ZNF277: variants seen among roughly 807,000 people sequenced by gnomAD.
ZNF277 encodes zinc finger protein 277.
A neutral mutation model predicts 60.7 loss-of-function variants in ZNF277; 55 were observed. The observed-to-expected ratio is 0.91, with a 90% CI of 0.73 to 1.13. ZNF277 has a LOEUF of 1.13. ZNF277 is among the 50% of genes most tolerant of loss of function. The pLI is 0.00. For synonymous variants in ZNF277, 178 were observed against 179.3 expected, an observed-to-expected ratio of 0.99 and a Z score of 0.06; for missense variants, 510 against 523.0, an observed-to-expected ratio of 0.98 and a Z score of 0.24.
At chr7:112,277,724 T>C (rs910438339) in intron 1 of ZNF277, among the ~76,000 whole-genome samples, 3 of 152,228 alleles carry the variant, frequency 2.0e-5, no homozygotes, top group Non-Finnish European at 4.4e-5. Flanking sequence ...CAGAAAGTTA[T>C]GTTGAGCAGC....
rs769665209 is a variant in ZNF277 at position 112,286,933 on chromosome 7, C to T, written c.152C>T (p.Thr51Ile). The stretch of plus-strand genomic sequence containing the variant: ...CCAGAAAGTCCAGGTGGCACCACCA[C>T]TTTAGAAGGTTCTCCATCTGTGCCT... ...SLPESPGGTT[T>I]LEGSPSVPCI... is the part of the protein sequence containing the mutation. Residue 51 changes from threonine (T) to isoleucine (I), a missense_variant, in exon 2 of 12, where the codon ACT (threonine) becomes ATT (isoleucine). Transcript: ENST00000361822. The T allele has an allele frequency of 9.9e-6, 16 of 1,608,462 alleles. No individual in the cohort carries two copies. In the South Asian group the frequency reaches 1.6e-4, roughly 17 times the overall value.
rs1265644388 is a variant in ZNF277, at chr7:112,264,177, G to A, written c.92-22696G>A. 4.0e-5 allele frequency among the ~76,000 whole-genome samples: 6 copies of A among 151,768 alleles called. No homozygotes were observed. The South Asian group carries it at 1.3e-3, about 32-fold the overall frequency. On this transcript the variant is annotated intron_variant, in intron 1 of 11. Coordinates refer to ENST00000361822, the MANE Select transcript of ZNF277 (RefSeq NM_021994.3). ...GGGTTTTGAATATTACTGTGCATAA[G>A]CCAATGGATTATGTACACTAATATT...
rs1281176337 is a variant in ZNF277 at position 112,307,570 on chromosome 7, A to G, written c.466-10612A>G. 2.6e-5 allele frequency among the ~76,000 whole-genome samples: 4 copies of G among 151,818 alleles called. No homozygotes were observed. The South Asian group carries it at 8.3e-4, about 31-fold the overall frequency. ...CCTGGGATTATAGGCGTGCACCAGC[A>G]TGCCTGGCTAATTTTTTTGTATTTT... On this transcript the variant is annotated intron_variant, in intron 4 of 11. Transcript: ENST00000361822.
intron 1 of ZNF277, among the ~76,000 whole-genome samples, chr7:112,259,891 C>T (rs10248923): frequency 0.067 from 10,263 of 152,114 alleles, 987 homozygotes; most frequent in African/African-American, 0.21. Context: ...CACTGACATA[C>T]AAATACATTA....
At chr7:112,282,959 A>G (rs1056419323) in intron 1 of ZNF277, among the ~76,000 whole-genome samples, 1 of 152,192 alleles carries the variant, frequency 6.6e-6, no homozygotes, top group African/African-American at 2.4e-5. Context: ...GTACATGTGA[A>G]GTTAACAATG....
chr7:112,337,635 T>G (rs1584422570), intron 8 of ZNF277, 95 bp from the exon 9 acceptor site: 161 of 1,028,928 alleles, frequency 1.6e-4, no homozygotes, highest in Admixed American at 1.6e-4. Flanking sequence ...ATTGGCAGGG[T>G]TTTTTAGTAA....
At chr7:112,243,261 T>C (rs956485995) in intron 1 of ZNF277, among the ~76,000 whole-genome samples, 3 of 151,946 alleles carry the variant, frequency 2.0e-5, no homozygotes, top group Admixed American at 6.6e-5. Flanking sequence ...CTTTTGGACA[T>C]TGGTCTAGGC....
chr7:112,240,791 C>T (rs893727033), intron 1 of ZNF277, among the ~76,000 whole-genome samples: 7 of 152,022 alleles, frequency 4.6e-5, no homozygotes, highest in African/African-American at 1.4e-4. Context: ...TCTGGGAAAA[C>T]GATATCCATA....
At chr7:112,209,996 G>A (rs1047684646) in intron 1 of ZNF277, among the ~76,000 whole-genome samples, 2 of 152,080 alleles carry the variant, frequency 1.3e-5, no homozygotes, top group Non-Finnish European at 1.5e-5. Flanking sequence ...CGGGCCTGTC[G>A]TGGGGTTGGG....
At chr7:112,217,248 A>T (rs1821910227) in intron 1 of ZNF277, among the ~76,000 whole-genome samples, 1 of 152,212 alleles carries the variant, frequency 6.6e-6, no homozygotes, top group Non-Finnish European at 1.5e-5. Context: ...TGGGCCTTGA[A>T]GTTTAATAAT....
chr7:112,208,653 G>T (rs1587072917), intron 1 of ZNF277, among the ~76,000 whole-genome samples: 1 of 130,406 alleles, frequency 7.7e-6, no homozygotes, highest in African/African-American at 2.9e-5. Context: ...ATTCTTATAT[G>T]ACACACGTCT....
chr7:112,281,394 A>T (rs928081512), intron 1 of ZNF277, among the ~76,000 whole-genome samples: 1 of 152,234 alleles, frequency 6.6e-6, no homozygotes, highest in African/African-American at 2.4e-5. Context: ...GAGTGGTATT[A>T]CTTACTCTGA....
At chr7:112,261,891 T>G (rs1201823913) in intron 1 of ZNF277, among the ~76,000 whole-genome samples, 1 of 152,164 alleles carries the variant, frequency 6.6e-6, no homozygotes, top group African/African-American at 2.4e-5. Flanking sequence ...ATTATTGGTT[T>G]TTAAGTAACA....
Position 112,343,635 on chromosome 7 carries a change from C to A in ZNF277, c.*906C>A, listed in dbSNP as rs1458355076. 6.6e-6 allele frequency among the ~76,000 whole-genome samples: 1 copy of A among 151,970 alleles called. No homozygotes were observed. The highest frequency in any genetic ancestry group is 1.5e-5 in the Non-Finnish European group (1 of 67,990). ...GGATATAATGAAGAAACAGTCAAAT[C>A]CAAGTTTGAGGCTGGGCACAGTAGC... On this transcript the variant is annotated 3_prime_UTR_variant, in exon 12 of 12. Transcript: ENST00000361822.
At chr7:112,238,921 A>G (rs575618410) in intron 1 of ZNF277, among the ~76,000 whole-genome samples, 1 of 151,948 alleles carries the variant, frequency 6.6e-6, no homozygotes, top group Non-Finnish European at 1.5e-5. Flanking sequence ...CCTCATCCGG[A>G]TGACATTTTT....
intron 1 of ZNF277, among the ~76,000 whole-genome samples, chr7:112,243,254 T>C (rs367656296): frequency 2.0e-5 from 3 of 151,724 alleles, no homozygotes; most frequent in African/African-American, 4.8e-5. Context: ...AAAAAATCTT[T>C]TGGACATTGG....
chr7:112,212,598 A>G (rs1412019615), intron 1 of ZNF277, among the ~76,000 whole-genome samples: 1 of 152,236 alleles, frequency 6.6e-6, no homozygotes, highest in Admixed American at 6.5e-5. Context: ...CCAATTATAA[A>G]GATCTGCCTG....
intron 1 of ZNF277, among the ~76,000 whole-genome samples, chr7:112,211,562 G>A (rs1821750455): frequency 6.6e-6 from 1 of 152,230 alleles, no homozygotes; most frequent in African/African-American, 2.4e-5. Flanking sequence ...CTGAACGATT[G>A]CAAAACCTTC....
At chr7:112,283,434 A>T (rs1293639595) in intron 1 of ZNF277, among the ~76,000 whole-genome samples, 4 of 151,996 alleles carry the variant, frequency 2.6e-5, no homozygotes, top group African/African-American at 4.8e-5. Context: ...GACACAGGAG[A>T]CTCGCTTGAA....
Sources: gnomAD v4.1 joint callset for allele counts (sites outside exome capture counted in the v4.1 genomes callset) on GRCh38, gnomAD v4.1.1 for gene constraint, MANE v1.5 for transcripts, NCBI Gene and HGNC (gene_info 2026-07-23, HGNC 2026-07-21) for gene names.